The following TNRC6B variants were observed in gnomAD, a reference collection of about 807,000 sequenced individuals.
TNRC6B encodes the protein trinucleotide repeat-containing gene 6B protein.
A neutral mutation model predicts 203.6 loss-of-function variants in TNRC6B; 52 were observed. The ratio of observed to expected loss-of-function variants is 0.26; its 90% CI spans 0.20 to 0.32. The LOEUF (loss-of-function observed/expected upper bound fraction) is 0.32, where lower values mean the gene tolerates loss of function less well. TNRC6B is among the 10% of genes least tolerant of loss of function. The pLI is 1.00. For synonymous variants in TNRC6B, 838 were observed against 845.7 expected, an observed-to-expected ratio of 0.99 and a Z score of 0.16; for missense variants, 1,923 against 2,286.2, an observed-to-expected ratio of 0.84 and a Z score of 3.24.
At chr22:40,174,180 T>TA (rs781441874), upstream of TNRC6B, among the ~76,000 whole-genome samples, 5 of 151,868 alleles carry the variant, frequency 3.3e-5, no homozygotes, top group Non-Finnish European at 5.9e-5. Context: ...TTTTTTTTTT[T>TA]AGAGACAGAG....
chr22:40,064,658 C>G (rs2067880679), intron 1 of TNRC6B, among the ~76,000 whole-genome samples: 1 of 150,540 alleles, frequency 6.6e-6, no homozygotes, highest in Non-Finnish European at 1.5e-5. Flanking sequence ...CACTCTGTCG[C>G]CAGGTGGAAG....
intron 16 of TNRC6B, among the ~76,000 whole-genome samples, chr22:40,309,292 G>A (rs983734243): frequency 6.6e-6 from 1 of 152,232 alleles, no homozygotes; most frequent in Non-Finnish European, 1.5e-5. Context: ...TCATTTGACA[G>A]TAATTCACTT....
intron 2 of TNRC6B, among the ~76,000 whole-genome samples, chr22:40,121,948 A>G (rs2068450732): frequency 6.6e-6 from 1 of 152,242 alleles, no homozygotes; most frequent in South Asian, 2.1e-4. Context: ...TAAAAAGCCT[A>G]ATATAAGCTT....
chr22:40,140,233 A>C (rs1458997774), intron 3 of TNRC6B, among the ~76,000 whole-genome samples: 1 of 152,254 alleles, frequency 6.6e-6, no homozygotes, highest in African/African-American at 2.4e-5. Context: ...GAAACAAAAA[A>C]AAAACCACTT....
intron 1 of TNRC6B, among the ~76,000 whole-genome samples, chr22:40,083,249 AGT>A (rs1239172021): frequency 6.6e-6 from 1 of 152,218 alleles, no homozygotes; most frequent in Non-Finnish European, 1.5e-5. Context: ...ATCCCAGGAC[AGT>A]GACTGGCCAG....
upstream of TNRC6B, among the ~76,000 whole-genome samples, chr22:40,175,430 C>A (rs539107391): frequency 2.0e-5 from 3 of 152,206 alleles, no homozygotes; most frequent in East Asian, 5.8e-4. Flanking sequence ...TATGTTTGTT[C>A]TGTTTCCAAA....
chr22:40,204,425 C>A (rs78549829), intron 1 of TNRC6B, among the ~76,000 whole-genome samples: 44 of 152,320 alleles, frequency 2.9e-4, no homozygotes, highest in Non-Finnish European at 5.4e-4. Flanking sequence ...TCATCCCCTG[C>A]CACTCTAGTC....
intron 1 of TNRC6B, among the ~76,000 whole-genome samples, chr22:40,192,209 T>A (rs1449369529): frequency 1.3e-5 from 2 of 152,190 alleles, no homozygotes; most frequent in African/African-American, 2.4e-5. Flanking sequence ...AGAAAGCAGT[T>A]TTAAAAACTA....
chr22:40,273,222 T>G (rs569515577), intron 6 of TNRC6B, among the ~76,000 whole-genome samples: 1 of 152,346 alleles, frequency 6.6e-6, no homozygotes, highest in Admixed American at 6.5e-5. Flanking sequence ...ATTCTATGGT[T>G]TGTTAACTTT....
At position 40,261,919 on chromosome 22, in the gene TNRC6B, A is replaced by G. The variant is rs373450317; in HGVS notation, c.203A>G (p.Asn68Ser). 3.7e-6 allele frequency: 6 copies of G among 1,611,158 alleles called. No individual in the cohort carries two copies. In the African/African-American group the frequency reaches 6.7e-5, roughly 18 times the overall value. ...CCATCGCCACCAGTCAATGGTGGCA[A>G]CAATGCCAAAAGGGTGGCAGTGCCG... is the stretch of plus-strand genomic sequence containing the variant. ...SSPSPPVNGG[N>S]NAKRVAVPNG... The change falls in exon 4 of 23, where the codon AAC becomes AGC. Residue 68 changes from asparagine to serine, a missense_variant. Asn to Ser is a conservative substitution (Grantham distance 46). Transcript: ENST00000454349.
chr22:40,161,363 C>A (rs2068870067), intron 4 of TNRC6B, among the ~76,000 whole-genome samples: 1 of 152,188 alleles, frequency 6.6e-6, no homozygotes, highest in South Asian at 2.1e-4. Context: ...ATTTCACTTA[C>A]AGAGGCTGGT....
chr22:40,268,036 A>G (rs991418871), intron 5 of TNRC6B, among the ~76,000 whole-genome samples: 2 of 152,176 alleles, frequency 1.3e-5, no homozygotes, highest in Non-Finnish European at 2.9e-5. Context: ...TAGTTCAACA[A>G]ATTAAGGGGG....
At chr22:40,101,966 C>G (rs912789565) in intron 1 of TNRC6B, among the ~76,000 whole-genome samples, 10 of 152,162 alleles carry the variant, frequency 6.6e-5, no homozygotes, top group Non-Finnish European at 1.2e-4. Context: ...AGCCAGTGAC[C>G]TACTTTAAGC....
At chr22:40,124,099 A>C (rs1469205987) in intron 2 of TNRC6B, among the ~76,000 whole-genome samples, 3 of 152,130 alleles carry the variant, frequency 2.0e-5, no homozygotes, top group African/African-American at 7.2e-5. Flanking sequence ...ATAAATATGC[A>C]TTTGTTCCCA....
chr22:40,233,512 C>T (rs189697255), intron 1 of TNRC6B, among the ~76,000 whole-genome samples: 49 of 150,744 alleles, frequency 3.3e-4, no homozygotes, highest in African/African-American at 1.1e-3. Context: ...GTCCCAGCTA[C>T]TCAGGAGGCT....
intron 3 of TNRC6B, among the ~76,000 whole-genome samples, chr22:40,143,788 G>A (rs1451456152): frequency 2.0e-5 from 3 of 152,202 alleles, no homozygotes; most frequent in Admixed American, 1.3e-4. Context: ...GAGCCACTGT[G>A]CCCGGCCTGG....
At chr22:40,181,395 G>C (rs2069127002) in intron 1 of TNRC6B, among the ~76,000 whole-genome samples, 1 of 152,024 alleles carries the variant, frequency 6.6e-6, no homozygotes, top group Non-Finnish European at 1.5e-5. Context: ...TGACTGAAAA[G>C]TTTGGAAAGA....
At chr22:40,047,603 C>A (rs1436036356) in intron 1 of TNRC6B, among the ~76,000 whole-genome samples, 9 of 150,966 alleles carry the variant, frequency 6.0e-5, no homozygotes, top group African/African-American at 1.5e-4. Context: ...AATTCAGTCT[C>A]CAAGAAAAAA....
chr22:40,274,337 T>G (rs2070607609), intron 7 of TNRC6B, among the ~76,000 whole-genome samples: 1 of 152,124 alleles, frequency 6.6e-6, no homozygotes, highest in African/African-American at 2.4e-5. Context: ...ATTTGGGAAA[T>G]TCCAAGACCC....
Sources: gnomAD v4.1 joint callset for allele counts (sites outside exome capture counted in the v4.1 genomes callset) on GRCh38, gnomAD v4.1.1 for gene constraint, MANE v1.5 for transcripts, NCBI Gene and HGNC (gene_info 2026-07-23, HGNC 2026-07-21) for gene names.